PCED1B: variants seen among roughly 807,000 people sequenced by gnomAD.
PCED1B encodes the protein PC-esterase domain-containing protein 1B.
For synonymous variants in PCED1B, 251 were observed against 246.1 expected (o/e 1.02, Z -0.19); for missense variants, 573 against 573.9 (o/e 1.00, Z 0.02).
intron 3 of PCED1B, among the ~76,000 whole-genome samples, chr12:47,226,535 G>T (rs149090721): frequency 5.5e-4 from 83 of 152,214 alleles, no homozygotes; most frequent in African/African-American, 2.0e-3. Context: ...CACCACACCC[G>T]GCTAATTTTT....
chr12:47,106,946 T>C (rs1467859990), intron 2 of PCED1B, among the ~76,000 whole-genome samples: 3 of 152,108 alleles, frequency 2.0e-5, no homozygotes, highest in Non-Finnish European at 4.4e-5. Flanking sequence ...TTCTGCCTCC[T>C]AGGAACCCAC....
chr12:47,230,897 C>T (rs1943785783), intron 3 of PCED1B, among the ~76,000 whole-genome samples: 1 of 152,222 alleles, frequency 6.6e-6, no homozygotes. Flanking sequence ...GCACTTCCTA[C>T]TTGTTAGGCA....
chr12:47,233,903 C>A (rs1389003215), intron 3 of PCED1B, among the ~76,000 whole-genome samples: 1 of 152,068 alleles, frequency 6.6e-6, no homozygotes. Flanking sequence ...CCAGTTTTAT[C>A]TTGATTTTTT....
At chr12:47,163,063 A>G (rs1174437787) in intron 2 of PCED1B, among the ~76,000 whole-genome samples, 1 of 152,184 alleles carries the variant, frequency 6.6e-6, no homozygotes, top group Non-Finnish European at 1.5e-5. Flanking sequence ...ATCCATGAAC[A>G]TGGGATGTCT....
intron 2 of PCED1B, among the ~76,000 whole-genome samples, chr12:47,143,820 C>T (rs1325958554): frequency 8.9e-6 from 1 of 112,134 alleles, no homozygotes; most frequent in Admixed American, 9.5e-5. Flanking sequence ...TGTTACAAAG[C>T]TATAGTAATC....
In PCED1B at chr12:47,235,888, C is replaced by A; in HGVS notation, c.825C>A (p.Val275=). 6.3e-7 allele frequency: 1 copy of A among 1,593,460 alleles called. No homozygotes were observed. Among genetic ancestry groups the A allele is most frequent in the Non-Finnish European group, 8.5e-7 (1 of 1,170,274 alleles). The change falls in exon 4 of 4, where the codon GTC becomes GTA. Residue 275 remains valine, a synonymous_variant. Coordinates refer to ENST00000546455, the MANE Select transcript of PCED1B (RefSeq NM_138371.3). The part of the protein sequence containing the change: ...WIKKKKPGPR[V]EGPPQANRNH... The stretch of plus-strand genomic sequence containing the variant: ...AGAAGAAAAAACCTGGCCCGAGAGT[C>A]GAAGGGCCGCCCCAGGCCAACAGAA...
In PCED1B at chr12:47,188,969, T is replaced by C. The variant is rs1176543141; in HGVS notation, c.-525-27253T>C. Among the ~76,000 whole-genome samples, 9 of 152,274 alleles carry C rather than the reference T, an allele frequency of 5.9e-5. No individual in the cohort carries two copies. In the East Asian group the frequency reaches 1.7e-3, roughly 29 times the overall value. The stretch of plus-strand genomic sequence containing the variant: ...ATTTTCATTTCTGCTTCTGATTAGG[T>C]CACTGTGAACTTTCTCTCCATGTTT... On this transcript the variant is annotated intron_variant, in intron 2 of 3. Transcript: ENST00000546455.
intron 2 of PCED1B, chr12:47,138,107 A>C (rs1470765475): frequency 6.6e-6 from 1 of 152,240 alleles, no homozygotes; most frequent in East Asian, 1.9e-4. Context: ...GGATAATTGT[A>C]CCAGACATGG....
chr12:47,133,313 G>C (rs897862664), intron 2 of PCED1B, among the ~76,000 whole-genome samples: 2 of 152,136 alleles, frequency 1.3e-5, no homozygotes, highest in African/African-American at 4.8e-5. Context: ...AGATAATTCT[G>C]TCCCTATCCT....
intron 2 of PCED1B, among the ~76,000 whole-genome samples, chr12:47,122,095 T>C (rs1939705169): frequency 1.3e-5 from 2 of 151,952 alleles, no homozygotes; most frequent in Non-Finnish European, 2.9e-5. Context: ...AATTATAGTT[T>C]GGTCCTCATG....
Position 47,124,503 on chromosome 12 carries a change from A to G in PCED1B, c.-526+20308A>G, listed in dbSNP as rs59487249. Among the ~76,000 whole-genome samples, 769 of 105,428 alleles carry G rather than the reference A, an allele frequency of 7.3e-3. 6 individuals carry two copies. The highest frequency in any genetic ancestry group is 0.027 in the African/African-American group (701 of 25,698). The allele number at this position is 105,428 out of a possible 152,430, so 69.2% of individuals were successfully genotyped here. ...CATTCATCTGTAAGTCTTTGTATAT[A>G]CATGAGGTTTTTTTTTTTTTGTATA... On this transcript the variant is annotated intron_variant, in intron 2 of 3. Coordinates refer to ENST00000546455, the MANE Select transcript of PCED1B (RefSeq NM_138371.3).
chr12:47,211,846 C>CG (rs35077164), intron 2 of PCED1B, among the ~76,000 whole-genome samples: 8,901 of 151,176 alleles, frequency 0.059, 351 homozygotes, highest in African/African-American at 0.1. Context: ...GAGGCCGAGG[C>CG]GGGCGGATCA....
At chr12:47,166,363 G>A (rs760413605) in intron 2 of PCED1B, among the ~76,000 whole-genome samples, 9 of 152,146 alleles carry the variant, frequency 5.9e-5, no homozygotes, top group Non-Finnish European at 1.3e-4. Flanking sequence ...TATATGGATT[G>A]GAGTTGAGCT....
At chr12:47,230,513 A>T (rs921567057) in intron 3 of PCED1B, among the ~76,000 whole-genome samples, 2 of 150,220 alleles carry the variant, frequency 1.3e-5, no homozygotes, top group Admixed American at 6.6e-5. Context: ...GTGCGATCTC[A>T]GCTCACTGCA....
At chr12:47,127,646 G>C (rs965518851) in intron 2 of PCED1B, among the ~76,000 whole-genome samples, 1 of 151,926 alleles carries the variant, frequency 6.6e-6, no homozygotes, top group Non-Finnish European at 1.5e-5. Flanking sequence ...TTACAGGTGT[G>C]AGCCACCACA....
chr12:47,120,168 A>C (rs1211588125), intron 2 of PCED1B, among the ~76,000 whole-genome samples: 1 of 152,158 alleles, frequency 6.6e-6, no homozygotes, highest in Non-Finnish European at 1.5e-5. Context: ...ATAGCTAAAA[A>C]CAAAAATTCA....
intron 2 of PCED1B, among the ~76,000 whole-genome samples, chr12:47,120,456 T>C (rs763406356): frequency 2.0e-5 from 3 of 152,054 alleles, no homozygotes; most frequent in Non-Finnish European, 4.4e-5. Flanking sequence ...GATGAATGGA[T>C]TAAGAAAATG....
At chr12:47,195,550 C>A (rs1942578554) in intron 2 of PCED1B, among the ~76,000 whole-genome samples, 1 of 151,866 alleles carries the variant, frequency 6.6e-6, no homozygotes, top group African/African-American at 2.4e-5. Flanking sequence ...GCAGCAACTA[C>A]CCAAAAAAAA....
intron 3 of PCED1B, among the ~76,000 whole-genome samples, chr12:47,220,303 C>G (rs1262980071): frequency 6.6e-6 from 1 of 152,110 alleles, no homozygotes; most frequent in East Asian, 1.9e-4. Flanking sequence ...TCCTGAATAG[C>G]TGGGATTACA....
Sources: gnomAD v4.1 joint callset for allele counts (sites outside exome capture counted in the v4.1 genomes callset) on GRCh38, gnomAD v4.1.1 for gene constraint, MANE v1.5 for transcripts, NCBI Gene and HGNC (gene_info 2026-07-23, HGNC 2026-07-21) for gene names.